Variants in ADAMTS18 observed in about 807,000 individuals in gnomAD.
The protein encoded by ADAMTS18 is A disintegrin and metalloproteinase with thrombospondin motifs 18.
ADAMTS18 carries 157 observed loss-of-function variants against 165.9 expected under a neutral mutation model. That is an observed-to-expected ratio of 0.95 (90% CI 0.83 to 1.08). ADAMTS18 has a LOEUF of 1.08. Ranked by LOEUF, ADAMTS18 falls within the 50% of genes least tolerant of loss-of-function variation. ADAMTS18 has a pLI of 0.00. For missense variants in ADAMTS18, 2,040 were observed against 1,534.0 expected (o/e 1.33, Z -5.51); for synonymous variants, 782 against 578.2 (o/e 1.35, Z -5.06).
At chr16:77,384,910 G>GTTT (rs750433380) in intron 3 of ADAMTS18, among the ~76,000 whole-genome samples, 2 of 122,368 alleles carry the variant, frequency 1.6e-5, no homozygotes, top group African/African-American at 2.7e-5. Context: ...TTCAGATAAG[G>GTTT]TTTTTTTTTT....
chr16:77,393,564 G>T (rs79364450), intron 3 of ADAMTS18, among the ~76,000 whole-genome samples: 1 of 152,130 alleles, frequency 6.6e-6, no homozygotes. Context: ...AAAGATGAGT[G>T]CCCTTATAAA....
At chr16:77,304,124 T>C (rs1230570661) in intron 16 of ADAMTS18, among the ~76,000 whole-genome samples, 4 of 152,108 alleles carry the variant, frequency 2.6e-5, no homozygotes, top group East Asian at 1.9e-4. Context: ...TAAAGAAGCT[T>C]TGTAGCTATC....
chr16:77,370,096 C>T (rs2056855144), intron 3 of ADAMTS18, among the ~76,000 whole-genome samples: 1 of 152,062 alleles, frequency 6.6e-6, no homozygotes, highest in Admixed American at 6.6e-5. Flanking sequence ...CAATAAAGGC[C>T]ATATATGACA....
At chr16:77,431,223 T>G in intron 3 of ADAMTS18, 72 bp downstream of exon 3, 13 of 1,531,196 alleles carry the variant, frequency 8.5e-6, no homozygotes, top group Non-Finnish European at 1.2e-5. Context: ...GCATTTATAT[T>G]GCAGACATCT....
intron 22 of ADAMTS18, 111 bp from the exon 23 acceptor site, chr16:77,284,182 G>T: frequency 2.8e-6 from 2 of 715,674 alleles, no homozygotes; most frequent in Non-Finnish European, 4.8e-6. Context: ...GTGCAGTGGT[G>T]TGGTGTGATC....
intron 3 of ADAMTS18, among the ~76,000 whole-genome samples, chr16:77,416,487 A>G (rs981703828): frequency 2.0e-5 from 3 of 152,128 alleles, no homozygotes; most frequent in African/African-American, 7.2e-5. Flanking sequence ...TTCTCATGGT[A>G]GTGAGTAAGA....
In ADAMTS18 at chr16:77,356,081, A is replaced by C. The variant is rs1597162945; in HGVS notation, c.1323-4T>G. On this transcript the variant is annotated splice_region_variant and splice_polypyrimidine_tract_variant and intron_variant, in intron 8 of 22. Coordinates refer to ENST00000282849, the MANE Select transcript of ADAMTS18 (RefSeq NM_199355.4). ...TCCATCGTGAATCATACCAAAGCTG[A>C]AACAGAATGAAGAAAACAAAATCCT... 1.2e-6 allele frequency: 2 copies of C among 1,614,080 alleles called. No homozygotes were observed. The highest frequency in any genetic ancestry group is 4.5e-5 in the East Asian group (2 of 44,872).
At chr16:77,397,093 G>T (rs1024739084) in intron 3 of ADAMTS18, among the ~76,000 whole-genome samples, 1 of 152,190 alleles carries the variant, frequency 6.6e-6, no homozygotes, top group African/African-American at 2.4e-5. Flanking sequence ...TTAGGCGTGA[G>T]CCACCACGGC....
In ADAMTS18 at chr16:77,431,543, T is replaced by A; in HGVS notation, c.247A>T (p.Asn83Tyr). 6.2e-7 allele frequency: 1 copy of A among 1,614,192 alleles called. No homozygotes were observed. Among genetic ancestry groups the A allele is most frequent in the East Asian group, 2.2e-5 (1 of 44,872 alleles). The change falls in exon 3 of 23, where the codon AAC becomes TAC. Residue 83 changes from asparagine (N) to tyrosine (Y), a missense_variant. Coordinates refer to ENST00000282849, the MANE Select transcript of ADAMTS18 (RefSeq NM_199355.4). ...TGCGCCGATCGCTTTTTCCTGCCGT[T>A]GTGCAAAATGTCGTGTGAAATATAT... ...GSYISHDILH[N>Y]GRKKRSAQNA...
At chr16:77,394,532 T>C (rs923257314) in intron 3 of ADAMTS18, among the ~76,000 whole-genome samples, 4 of 152,044 alleles carry the variant, frequency 2.6e-5, no homozygotes, top group African/African-American at 7.2e-5. Flanking sequence ...CATTAGAAAT[T>C]TGTGTGAAAA....
chr16:77,284,686 C>A (rs902013477), intron 22 of ADAMTS18, among the ~76,000 whole-genome samples: 7 of 152,066 alleles, frequency 4.6e-5, no homozygotes, highest in African/African-American at 1.7e-4. Context: ...TCTGATCCTC[C>A]CTATGTAGCC....
At chr16:77,397,997 G>C (rs1414920707) in intron 3 of ADAMTS18, among the ~76,000 whole-genome samples, 1 of 152,100 alleles carries the variant, frequency 6.6e-6, no homozygotes, top group East Asian at 1.9e-4. Flanking sequence ...GATGGTAAGG[G>C]TAAGAAATCA....
intron 3 of ADAMTS18, among the ~76,000 whole-genome samples, chr16:77,382,664 C>A (rs1410731009): frequency 6.6e-6 from 1 of 152,192 alleles, no homozygotes; most frequent in Non-Finnish European, 1.5e-5. Flanking sequence ...TGAATGTGAT[C>A]ATTTCAAAGG....
At chr16:77,429,307 C>G (rs1311886490) in intron 3 of ADAMTS18, among the ~76,000 whole-genome samples, 1 of 152,142 alleles carries the variant, frequency 6.6e-6, no homozygotes, top group Non-Finnish European at 1.5e-5. Context: ...GAGAGCAAGG[C>G]TATTATCATT....
chr16:77,360,031 A>G (rs372741980), intron 7 of ADAMTS18, among the ~76,000 whole-genome samples: 1 of 152,188 alleles, frequency 6.6e-6, no homozygotes, highest in African/African-American at 2.4e-5. Flanking sequence ...CCTTAAGTCT[A>G]TCTTCAAATA....
chr16:77,337,517 T>A (rs1386425495), intron 11 of ADAMTS18, among the ~76,000 whole-genome samples: 1 of 152,200 alleles, frequency 6.6e-6, no homozygotes, highest in African/African-American at 2.4e-5. Flanking sequence ...CAAACAGATC[T>A]ATTCAAATAA....
intron 15 of ADAMTS18, among the ~76,000 whole-genome samples, chr16:77,320,751 C>G (rs2055981682): frequency 6.6e-6 from 1 of 152,174 alleles, no homozygotes; most frequent in African/African-American, 2.4e-5. Flanking sequence ...ATAACTGCTT[C>G]AAATATTCAT....
intron 3 of ADAMTS18, among the ~76,000 whole-genome samples, chr16:77,412,763 T>A (rs1229344461): frequency 6.6e-6 from 1 of 152,088 alleles, no homozygotes; most frequent in Non-Finnish European, 1.5e-5. Flanking sequence ...ACAAGAACAG[T>A]ATGGGTGAAA....
chr16:77,323,331 T>C (rs1040339400), intron 13 of ADAMTS18, among the ~76,000 whole-genome samples: 25 of 152,080 alleles, frequency 1.6e-4, no homozygotes, highest in Non-Finnish European at 3.2e-4. Flanking sequence ...ATAAAACCTC[T>C]CAATAAAAGA....
Sources: allele counts gnomAD v4.1 joint callset (sites outside exome capture counted in the v4.1 genomes callset), GRCh38; gene constraint gnomAD v4.1.1; transcripts MANE v1.5; gene names NCBI Gene and HGNC (gene_info 2026-07-23, HGNC 2026-07-21).